Variants in SCAI observed in about 807,000 individuals in gnomAD.
SCAI encodes protein SCAI.
Under a neutral mutation model 92.2 loss-of-function variants are expected in SCAI, and 24 were observed. That is an observed-to-expected ratio of 0.26 (90% CI 0.19 to 0.37). The LOEUF (loss-of-function observed/expected upper bound fraction) is 0.37. SCAI is among the 10% of genes least tolerant of loss of function. The pLI, the probability that SCAI is intolerant of heterozygous loss-of-function variation, is 1.00. For synonymous variants in SCAI, 261 were observed against 258.6 expected (o/e 1.01, Z -0.09); for missense variants, 450 against 736.2 (o/e 0.61, Z 4.50).
At chr9:124,958,904 CAA>C (rs10713604) in intron 17 of SCAI, among the ~76,000 whole-genome samples, 77 of 111,696 alleles carry the variant, frequency 6.9e-4, no homozygotes, top group Middle Eastern at 4.4e-3. Flanking sequence ...GACTCAGTCT[CAA>C]AAAAAAAAAA....
intron 2 of SCAI, among the ~76,000 whole-genome samples, chr9:125,065,432 C>A (rs1198981971): frequency 6.6e-6 from 1 of 152,126 alleles, no homozygotes; most frequent in East Asian, 1.9e-4. Context: ...ACATTGACAG[C>A]CTAATTGAAA....
intron 2 of SCAI, among the ~76,000 whole-genome samples, chr9:125,062,373 G>A (rs1833786164): frequency 6.7e-6 from 1 of 150,016 alleles, no homozygotes; most frequent in Non-Finnish European, 1.5e-5. Flanking sequence ...TAATCCTCCT[G>A]CCTCAGCCTC....
chr9:125,066,814 T>C (rs1201242966), intron 2 of SCAI, among the ~76,000 whole-genome samples: 1 of 152,112 alleles, frequency 6.6e-6, no homozygotes, highest in Non-Finnish European at 1.5e-5. Flanking sequence ...TTACATTGTG[T>C]TTTTACTGCA....
In SCAI at chr9:125,143,495, C is replaced by T; in HGVS notation, c.-58G>A. 1 of 1,302,054 alleles carries T rather than the reference C, an allele frequency of 7.7e-7. No individual in the cohort carries two copies. Among genetic ancestry groups the T allele is most frequent in the Non-Finnish European group, 9.8e-7 (1 of 1,022,628 alleles). The allele number at this position is 1,302,054 out of a possible 1,614,324, so 80.7% of individuals were successfully genotyped here. A position where few individuals can be genotyped will look rare whatever the true frequency, so the allele number is the denominator to read the frequency against. On this transcript the variant is annotated 5_prime_UTR_variant, in exon 1 of 18. Coordinates refer to ENST00000336505, the MANE Select transcript of SCAI (RefSeq NM_001144877.3). ...GCGGCCGCAGGGCTCGCTCGGGAAG[C>T]TGAGGCGGCGGAGGCTGGAGTAGGC... is the stretch of plus-strand genomic sequence containing the variant.
chr9:124,968,672 G>T (rs555780677), intron 17 of SCAI: 17 of 1,296,230 alleles, frequency 1.3e-5, no homozygotes, highest in Non-Finnish European at 2.2e-6. Context: ...AGCCTGGGTG[G>T]CCCAAAGTTC....
At chr9:125,117,750 T>C (rs1835077367) in intron 2 of SCAI, among the ~76,000 whole-genome samples, 1 of 151,978 alleles carries the variant, frequency 6.6e-6, no homozygotes, top group Non-Finnish European at 1.5e-5. Flanking sequence ...CTGCTTTCAT[T>C]TATTTTATGG....
chr9:124,959,006 C>T (rs1163517135), intron 17 of SCAI, among the ~76,000 whole-genome samples: 2 of 151,102 alleles, frequency 1.3e-5, no homozygotes, highest in Non-Finnish European at 2.9e-5. Flanking sequence ...GAAGAAAAAA[C>T]TCAGATTTTT....
intron 14 of SCAI, among the ~76,000 whole-genome samples, chr9:124,980,344 G>T (rs1231407755): frequency 6.6e-6 from 1 of 151,450 alleles, no homozygotes; most frequent in Non-Finnish European, 1.5e-5. Flanking sequence ...ACTGTGCAGA[G>T]AAGAGTTAGC....
intron 3 of SCAI, among the ~76,000 whole-genome samples, chr9:125,041,240 T>C (rs1016071920): frequency 1.3e-5 from 2 of 152,218 alleles, no homozygotes; most frequent in Admixed American, 6.5e-5. Flanking sequence ...GTTTCCCACA[T>C]TTATTGTAAG....
At chr9:125,056,106 T>C in intron 2 of SCAI, 99 bp from the exon 3 acceptor site, 2 of 834,150 alleles carry the variant, frequency 2.4e-6, no homozygotes, top group Non-Finnish European at 1.8e-6. Flanking sequence ...CCAAGACAGA[T>C]ATAGAATTCT....
chr9:125,050,578 T>TAAGG (rs1833541036), intron 3 of SCAI, among the ~76,000 whole-genome samples: 1 of 152,192 alleles, frequency 6.6e-6, no homozygotes, highest in Admixed American at 6.5e-5. Flanking sequence ...TTTTTCTCTT[T>TAAGG]TCTTTTTATA....
At chr9:125,084,020 T>A (rs190094549) in intron 2 of SCAI, among the ~76,000 whole-genome samples, 5 of 151,954 alleles carry the variant, frequency 3.3e-5, no homozygotes, top group African/African-American at 1.2e-4. Context: ...GAGGAACAAG[T>A]ACAAAGATGC....
intron 1 of SCAI, 150 bp from the exon 2 acceptor site, chr9:125,142,827 C>A (rs1227220042): frequency 1.5e-6 from 1 of 664,212 alleles, no homozygotes; most frequent in African/African-American, 1.8e-5. Flanking sequence ...GCCTCATGCC[C>A]TGTTTCCCCT....
chr9:124,960,487 A>G (rs565526231), intron 17 of SCAI, among the ~76,000 whole-genome samples: 1 of 152,358 alleles, frequency 6.6e-6, no homozygotes, highest in East Asian at 1.9e-4. Flanking sequence ...ACTACTCAGT[A>G]ACAAAAAGGA....
At chr9:124,975,142 T>A (rs1339238934) in intron 15 of SCAI, 1 of 312,876 alleles carries the variant, frequency 3.2e-6, no homozygotes, top group African/African-American at 2.2e-5. Context: ...AGCAGGAGAA[T>A]TTTACCGTTG....
chr9:125,103,117 T>C lies in SCAI; in HGVS notation c.98+39516A>G, dbSNP rs563343820. Among the ~76,000 whole-genome samples, 3 of 152,238 alleles carry C rather than the reference T, an allele frequency of 2.0e-5. No individual in the cohort carries two copies. In the South Asian group the frequency reaches 6.2e-4, roughly 32 times the overall value. On this transcript the variant is annotated intron_variant, in intron 2 of 17. Transcript: ENST00000336505. Reference sequence around the variant, plus strand: ...CAATGGTTTCCTCAGAGGCCTTCCCTACCTGACATCACCTAGTGCTGAAAA... The same window carrying C: ...CAATGGTTTCCTCAGAGGCCTTCCCCACCTGACATCACCTAGTGCTGAAAA...
chr9:124,985,814 G>A (rs1831978528), intron 14 of SCAI, among the ~76,000 whole-genome samples: 1 of 149,042 alleles, frequency 6.7e-6, no homozygotes. Flanking sequence ...AGTGAGGTGA[G>A]ATCGCACCAT....
At chr9:125,124,468 A>G (rs1306625736) in intron 2 of SCAI, among the ~76,000 whole-genome samples, 3 of 152,166 alleles carry the variant, frequency 2.0e-5, no homozygotes, top group Admixed American at 1.3e-4. Flanking sequence ...CCAATACAAC[A>G]GCTACCATGC....
At chr9:125,066,004 T>C (rs779750748) in intron 2 of SCAI, 2 of 771,316 alleles carry the variant, frequency 2.6e-6, no homozygotes, top group Non-Finnish European at 2.4e-6. Flanking sequence ...CAGTGAAATG[T>C]TGATATCTTT....
Sources: gnomAD v4.1 joint callset for allele counts (sites outside exome capture counted in the v4.1 genomes callset) on GRCh38, gnomAD v4.1.1 for gene constraint, MANE v1.5 for transcripts, NCBI Gene and HGNC (gene_info 2026-07-23, HGNC 2026-07-21) for gene names.